PTPRK: variants seen among roughly 807,000 people sequenced by gnomAD.
PTPRK encodes the protein receptor-type tyrosine-protein phosphatase kappa.
A neutral mutation model predicts 178.0 loss-of-function variants in PTPRK; 75 were observed. The observed-to-expected ratio is 0.42, with a 90% CI of 0.35 to 0.51. PTPRK has a LOEUF of 0.51. Among genes scored for constraint, PTPRK ranks in the 20% least tolerant of loss-of-function variants. PTPRK has a pLI of 0.02. For missense variants in PTPRK, 1,441 were observed against 1,797.8 expected (o/e 0.80, Z 3.59); for synonymous variants, 637 against 620.6 (o/e 1.03, Z -0.39).
chr6:128,393,687 G>A (rs1036763335), intron 2 of PTPRK, among the ~76,000 whole-genome samples: 1 of 152,216 alleles, frequency 6.6e-6, no homozygotes, highest in Non-Finnish European at 1.5e-5. Context: ...TATTTATTTA[G>A]TAGGGAGGAG....
At chr6:128,113,562 T>C (rs1000811147) in intron 7 of PTPRK, among the ~76,000 whole-genome samples, 1 of 151,968 alleles carries the variant, frequency 6.6e-6, no homozygotes, top group African/African-American at 2.4e-5. Flanking sequence ...TTATAAATAA[T>C]GTGGAGAAAA....
At chr6:128,001,293 A>G (rs1777801435) in intron 15 of PTPRK, 1 of 971,810 alleles carries the variant, frequency 1.0e-6, no homozygotes, top group South Asian at 1.7e-5. Flanking sequence ...ATCAGTAAGT[A>G]TTAGCATTAA....
chr6:128,364,782 C>T (rs1835256599), intron 2 of PTPRK, among the ~76,000 whole-genome samples: 1 of 152,028 alleles, frequency 6.6e-6, no homozygotes, highest in African/African-American at 2.4e-5. Flanking sequence ...AATGAATAGT[C>T]ACAACCTTTC....
At chr6:128,276,758 T>C (rs1820789016) in intron 3 of PTPRK, among the ~76,000 whole-genome samples, 1 of 152,118 alleles carries the variant, frequency 6.6e-6, no homozygotes. Flanking sequence ...TTTCAAATAA[T>C]GTTCCCCAAA....
At position 128,090,006 on chromosome 6, in the gene PTPRK, C is replaced by CA; in HGVS notation, c.1163-15dup. On this transcript the variant is annotated splice_polypyrimidine_tract_variant and intron_variant, in intron 7 of 29. Coordinates refer to ENST00000368226, the MANE Select transcript of PTPRK (RefSeq NM_002844.4). ...TTCTCATAGGTTCTGAAAAATAAAT[C>CA]AGAGTTGTAGACAGCTGTCTATTAT... 1.3e-6 allele frequency: 2 copies of CA among 1,570,408 alleles called. No individual in the cohort carries two copies. Among genetic ancestry groups the CA allele is most frequent in the South Asian group, 2.2e-5 (2 of 90,068 alleles).
intron 14 of PTPRK, chr6:128,007,966 G>C (rs750833938): frequency 6.6e-5 from 65 of 977,502 alleles, no homozygotes; most frequent in Non-Finnish European, 8.5e-5. Flanking sequence ...CAACCACAGA[G>C]GGAGACAACA....
chr6:128,020,913 T>G (rs1773407261), intron 13 of PTPRK, among the ~76,000 whole-genome samples: 1 of 152,152 alleles, frequency 6.6e-6, no homozygotes, highest in Admixed American at 6.5e-5. Context: ...ACAACATGGT[T>G]TAAATCACGT....
At chr6:128,301,199 C>T (rs931870758) in intron 3 of PTPRK, among the ~76,000 whole-genome samples, 1 of 152,104 alleles carries the variant, frequency 6.6e-6, no homozygotes, top group Admixed American at 6.5e-5. Flanking sequence ...AATAAAGCCA[C>T]AAAAATATAG....
rs1037229807 is a variant in PTPRK, at chr6:128,350,873, A to G, written c.224-28563T>C. On this transcript the variant is annotated intron_variant, in intron 2 of 29. Transcript: ENST00000368226. ...CCACTAAATTGAGTCTTTTATCTCC[A>G]GTTTAATGTCATACTCTTAGCCCTC... Among the ~76,000 whole-genome samples, 13 of 152,218 alleles carry G rather than the reference A, an allele frequency of 8.5e-5. 1 individual carries two copies. Among genetic ancestry groups the G allele is most frequent in the Non-Finnish European group, 1.9e-4 (13 of 68,030 alleles).
chr6:128,195,857 T>G (rs1804767787), intron 6 of PTPRK, among the ~76,000 whole-genome samples: 1 of 152,120 alleles, frequency 6.6e-6, no homozygotes, highest in South Asian at 2.1e-4. Context: ...ACGTAAAAAT[T>G]CTCAATATAT....
At chr6:128,267,825 G>A (rs1375051507) in intron 3 of PTPRK, among the ~76,000 whole-genome samples, 1 of 152,090 alleles carries the variant, frequency 6.6e-6, no homozygotes, top group Admixed American at 6.6e-5. Context: ...CAGAATATGA[G>A]TTTAAATTGG....
rs1400122829 is a variant in PTPRK, at chr6:128,067,751, G to T, written c.1925C>A (p.Thr642Asn). Residue 642 changes from threonine to asparagine, a missense_variant, in exon 12 of 30, where the codon ACC (threonine) becomes AAC (asparagine). Thr to Asn is a moderately conservative substitution (Grantham distance 65). Around this residue, in one of 4 missense-constraint regions of PTPRK, gnomAD observed 945 missense variants for 1,080.6 expected, o/e 0.87. Coordinates refer to ENST00000368226, the MANE Select transcript of PTPRK (RefSeq NM_002844.4). The stretch of plus-strand genomic sequence containing the variant: ...TTCCATGGCTCCGGCTTCTCTCTTG[G>T]TTCGGTGTGGGTGCAGTTCTTCCAC... The part of the protein sequence containing the change: ...IVVEELHPHR[T>N]KREAGAMECY... 1.5e-5 allele frequency: 24 copies of T among 1,612,220 alleles called. No individual in the cohort carries two copies. The highest frequency in any genetic ancestry group is 2.0e-5 in the Non-Finnish European group (24 of 1,179,034).
rs71543131 is a variant in PTPRK, at chr6:128,036,740, C to CTT, written c.2195-27474_2195-27473dup. ...CTGATTTCTTTCCGTCTCCTCCCTC[C>CTT]TTTTTTTTTTTTAAGATGGAGCTTC... On this transcript the variant is annotated intron_variant, in intron 13 of 29. Coordinates refer to ENST00000368226, the MANE Select transcript of PTPRK (RefSeq NM_002844.4). Among the ~76,000 whole-genome samples, 83 of 145,956 alleles carry CTT rather than the reference C, an allele frequency of 5.7e-4. 2 individuals are homozygous for CTT. The East Asian group carries it at 6.4e-3, about 11-fold the overall frequency.
At chr6:128,357,235 C>T (rs182412017) in intron 2 of PTPRK, among the ~76,000 whole-genome samples, 2 of 152,238 alleles carry the variant, frequency 1.3e-5, no homozygotes, top group African/African-American at 4.8e-5. Flanking sequence ...TACTATTATG[C>T]TTATATTAAA....
intron 3 of PTPRK, among the ~76,000 whole-genome samples, chr6:128,275,356 T>C (rs1335204641): frequency 1.3e-5 from 2 of 152,068 alleles, no homozygotes; most frequent in African/African-American, 2.4e-5. Context: ...TATGTTAATC[T>C]ATTTACATTT....
intron 1 of PTPRK, among the ~76,000 whole-genome samples, chr6:128,431,214 A>C (rs1844799313): frequency 6.6e-6 from 1 of 152,010 alleles, no homozygotes; most frequent in Non-Finnish European, 1.5e-5. Flanking sequence ...CTGGAATTAC[A>C]AGCATGAGCC....
Position 128,433,552 on chromosome 6 carries a change from A to G in PTPRK, c.101-35864T>C, listed in dbSNP as rs1845116631. Among the ~76,000 whole-genome samples, 4 of 152,034 alleles carry G rather than the reference A, an allele frequency of 2.6e-5. No homozygotes were observed. In the South Asian group the frequency reaches 8.3e-4, roughly 32 times the overall value. On this transcript the variant is annotated intron_variant, in intron 1 of 29. Coordinates refer to ENST00000368226, the MANE Select transcript of PTPRK (RefSeq NM_002844.4). ...GAGGCAGGGTTTTGCTCTGTCTCCA[A>G]GGCTATACTGCAGTGGCTCAATCTC...
chr6:128,466,807 A>T (rs1178684591), intron 1 of PTPRK, among the ~76,000 whole-genome samples: 1 of 152,212 alleles, frequency 6.6e-6, no homozygotes, highest in African/African-American at 2.4e-5. Flanking sequence ...AAGGCATTTA[A>T]TATACATAAA....
Position 128,276,645 on chromosome 6 carries a change from T to C in PTPRK, c.496-34043A>G, listed in dbSNP as rs183932759. 1.0e-3 allele frequency among the ~76,000 whole-genome samples: 154 copies of C among 152,294 alleles called. 1 individual carries two copies. The highest frequency in any genetic ancestry group is 2.1e-4 in the South Asian group (1 of 4,830). ...AATGTGATTCAGTAAAACAATTCCATTGGGAGGTAAACTGATTCTTCCTTG... is the reference window on the plus strand; with the variant it reads ...AATGTGATTCAGTAAAACAATTCCACTGGGAGGTAAACTGATTCTTCCTTG... On this transcript the variant is annotated intron_variant, in intron 3 of 29. Transcript: ENST00000368226.
Sources: allele counts gnomAD v4.1 joint callset (sites outside exome capture counted in the v4.1 genomes callset), GRCh38; gene constraint gnomAD v4.1.1; regional missense constraint gnomAD v4.1.1; transcripts MANE v1.5; gene names NCBI Gene and HGNC (gene_info 2026-07-23, HGNC 2026-07-21).